Variants in PARD3B observed in about 807,000 individuals in gnomAD.
The protein encoded by PARD3B is partitioning defective 3 homolog B.
A neutral mutation model predicts 130.2 loss-of-function variants in PARD3B; 103 were observed. The ratio of observed to expected loss-of-function variants is 0.79; its 90% CI spans 0.67 to 0.93. PARD3B has a LOEUF of 0.93. Among genes scored for constraint, PARD3B ranks in the 40% least tolerant of loss-of-function variants. PARD3B has a pLI of 0.00. For synonymous variants in PARD3B, 583 were observed against 553.2 expected, an observed-to-expected ratio of 1.05 and a Z score of -0.76; for missense variants, 1,609 against 1,499.2, an observed-to-expected ratio of 1.07 and a Z score of -1.21.
At chr2:205,103,776 T>A in intron 4 of PARD3B, 1 of 981,174 alleles carries the variant, frequency 1.0e-6, no homozygotes, top group African/African-American at 1.7e-5. Flanking sequence ...CTGGGTAACA[T>A]CCAATACAAC....
At chr2:204,761,084 C>T (rs558575162) in intron 2 of PARD3B, among the ~76,000 whole-genome samples, 41 of 152,258 alleles carry the variant, frequency 2.7e-4, no homozygotes, top group Non-Finnish European at 4.6e-4. Flanking sequence ...AAAACTCCAA[C>T]AGATTAAGTA....
At chr2:205,318,816 C>G (rs1024185658) in intron 18 of PARD3B, among the ~76,000 whole-genome samples, 1 of 152,162 alleles carries the variant, frequency 6.6e-6, no homozygotes, top group African/African-American at 2.4e-5. Flanking sequence ...CTCCACCTCA[C>G]CCAGCATCTT....
intron 2 of PARD3B, among the ~76,000 whole-genome samples, chr2:204,939,218 A>G (rs1688700835): frequency 6.6e-6 from 1 of 152,194 alleles, no homozygotes; most frequent in Non-Finnish European, 1.5e-5. Context: ...TGCAAGATCC[A>G]TAACGTATTA....
chr2:204,674,983 G>A (rs2036469874), intron 1 of PARD3B, among the ~76,000 whole-genome samples: 1 of 152,092 alleles, frequency 6.6e-6, no homozygotes, highest in African/African-American at 2.4e-5. Context: ...GCTTTATAAT[G>A]GAAGAATTAT....
intron 2 of PARD3B, among the ~76,000 whole-genome samples, chr2:204,743,701 A>G (rs1216920433): frequency 6.6e-6 from 1 of 151,650 alleles, no homozygotes; most frequent in Non-Finnish European, 1.5e-5. Flanking sequence ...ACATATACTC[A>G]TATTTTTCTT....
intron 2 of PARD3B, among the ~76,000 whole-genome samples, chr2:204,802,201 A>G (rs528034619): frequency 6.6e-6 from 1 of 152,344 alleles, no homozygotes; most frequent in East Asian, 1.9e-4. Context: ...GGCACTTCTC[A>G]ATAGAAGACA....
chr2:205,222,942 C>A (rs146349935), intron 15 of PARD3B, among the ~76,000 whole-genome samples: 254 of 151,460 alleles, frequency 1.7e-3, no homozygotes, highest in African/African-American at 4.5e-3. Flanking sequence ...GAGTAAAATG[C>A]TATCTTTGCC....
intron 18 of PARD3B, among the ~76,000 whole-genome samples, chr2:205,384,704 G>A (rs905407347): frequency 1.3e-5 from 2 of 152,016 alleles, no homozygotes; most frequent in Non-Finnish European, 2.9e-5. Context: ...TACATGGATA[G>A]GTATACATAG....
intron 1 of PARD3B, among the ~76,000 whole-genome samples, chr2:204,605,559 A>G (rs1377704852): frequency 2.6e-5 from 4 of 152,224 alleles, no homozygotes; most frequent in Non-Finnish European, 4.4e-5. Flanking sequence ...ATCTCCTATT[A>G]TGGAAGACTG....
intron 2 of PARD3B, among the ~76,000 whole-genome samples, chr2:204,796,643 C>A (rs1391882508): frequency 1.3e-5 from 2 of 152,102 alleles, no homozygotes; most frequent in Non-Finnish European, 2.9e-5. Flanking sequence ...GAAGGAGCAC[C>A]CTAACAAAAT....
intron 10 of PARD3B, among the ~76,000 whole-genome samples, chr2:205,156,330 T>A (rs1296128702): frequency 9.3e-5 from 14 of 150,998 alleles, no homozygotes; most frequent in East Asian, 1.9e-4. Flanking sequence ...AGTTAATGGG[T>A]GCAGCACACC....
In PARD3B at chr2:205,550,974, TATACACACAC is replaced by T. The variant is rs766267205; in HGVS notation, c.3181-2348_3181-2339del. On this transcript the variant is annotated intron_variant, in intron 21 of 22. Transcript: ENST00000406610. The surrounding 1 kb of genome is among the most constrained non-coding windows in gnomAD (Gnocchi z 4.5). ...ATATGTGTATATATATATATATATA[TATACACACAC>T]ACACACACACACACACACATAATCT... Among the ~76,000 whole-genome samples the T allele has an allele frequency of 4.4e-4, 43 of 98,544 alleles. No homozygotes were observed. The highest frequency in any genetic ancestry group is 7.3e-4 in the Non-Finnish European group (32 of 43,552). The allele number at this position is 98,544 out of a possible 152,430, so 64.6% of individuals were successfully genotyped here.
chr2:204,698,724 A>G (rs530626905), intron 2 of PARD3B, among the ~76,000 whole-genome samples: 2 of 152,172 alleles, frequency 1.3e-5, no homozygotes, highest in South Asian at 4.2e-4. Context: ...TTAGATACTT[A>G]AAGTATAAGT....
rs78033094 is a variant in PARD3B at position 204,868,258 on chromosome 2, G to A, written c.223-96894G>A. Among the ~76,000 whole-genome samples, 1,486 of 152,246 alleles carry A rather than the reference G, an allele frequency of 9.8e-3. 20 individuals carry two copies. The highest frequency in any genetic ancestry group is 0.033 in the African/African-American group (1,374 of 41,544). On this transcript the variant is annotated intron_variant, in intron 2 of 22. Coordinates refer to ENST00000406610, the MANE Select transcript of PARD3B (RefSeq NM_001302769.2). ...TTATTTGTTATTGAGGATTTATTAT[G>A]AGCCAAAGATAGTGTGCTGTACTTT...
At chr2:204,886,620 A>G (rs1342161248) in intron 2 of PARD3B, among the ~76,000 whole-genome samples, 6 of 152,238 alleles carry the variant, frequency 3.9e-5, no homozygotes, top group Non-Finnish European at 7.3e-5. Flanking sequence ...GATCTGCTAT[A>G]GGGATGCAGA....
chr2:205,479,005 A>G (rs571656339), intron 20 of PARD3B, among the ~76,000 whole-genome samples: 1 of 152,334 alleles, frequency 6.6e-6, no homozygotes, highest in African/African-American at 2.4e-5. Flanking sequence ...CCATAAGAAC[A>G]TGTTACAATG....
intron 21 of PARD3B, among the ~76,000 whole-genome samples, chr2:205,503,797 T>A (rs940267976): frequency 6.6e-6 from 1 of 152,148 alleles, no homozygotes; most frequent in Non-Finnish European, 1.5e-5. Context: ...TGATTCTTCC[T>A]ACCCATGAGC....
chr2:204,927,626 G>C (rs1423923011), intron 2 of PARD3B, among the ~76,000 whole-genome samples: 2 of 151,890 alleles, frequency 1.3e-5, no homozygotes, highest in Non-Finnish European at 2.9e-5. Context: ...AACTCATGTA[G>C]TAATGGTTTG....
intron 21 of PARD3B, among the ~76,000 whole-genome samples, chr2:205,518,335 G>A (rs1454897033): frequency 3.3e-5 from 5 of 151,978 alleles, no homozygotes; most frequent in South Asian, 4.2e-4. Context: ...TGTAATGCCC[G>A]TCTTTATCTT....
Sources: allele counts gnomAD v4.1 joint callset (sites outside exome capture counted in the v4.1 genomes callset), GRCh38; gene constraint gnomAD v4.1.1; non-coding constraint Gnocchi (gnomAD v3.1); transcripts MANE v1.5; gene names NCBI Gene and HGNC (gene_info 2026-07-23, HGNC 2026-07-21).